STAB1: variants seen among roughly 807,000 people sequenced by gnomAD.
The protein encoded by STAB1 is stabilin 1.
In STAB1, 250 loss-of-function variants were observed where a neutral mutation model predicts 332.4. The observed-to-expected ratio is 0.75, with a 90% CI of 0.68 to 0.84. The LOEUF (loss-of-function observed/expected upper bound fraction) is 0.84. STAB1 is among the 40% of genes least tolerant of loss of function. STAB1 has a pLI of 0.00. For synonymous variants in STAB1, 1,475 were observed against 1,390.4 expected, an observed-to-expected ratio of 1.06 and a Z score of -1.35; for missense variants, 3,249 against 3,489.7, an observed-to-expected ratio of 0.93 and a Z score of 1.74.
At position 52,523,130 on chromosome 3, in the gene STAB1, A is replaced by G. The variant is rs1484029620; in HGVS notation, c.7016A>G (p.Tyr2339Cys). The change falls in exon 63 of 69, where the codon TAT becomes TGT. Residue 2339 changes from tyrosine (Y) to cysteine (C), a missense_variant. Physicochemically the swap from Tyr to Cys is radical, Grantham distance 194. Transcript: ENST00000321725. ...LAATANFSTF[Y>C]GMLLGYANAT... Reference sequence around the variant, plus strand: ...GCCACTGCCAACTTCTCCACCTTCTATGGGGTGTGTGGGGGCCACCCTTGG... The same window carrying G: ...GCCACTGCCAACTTCTCCACCTTCTGTGGGGTGTGTGGGGGCCACCCTTGG... 9 of 1,598,188 alleles carry G rather than the reference A, an allele frequency of 5.6e-6. No individual in the cohort carries two copies. The highest frequency in any genetic ancestry group is 1.7e-5 in the Admixed American group (1 of 59,350).
chr3:52,518,646 C>T (rs750866829), intron 47 of STAB1, 33 bp downstream of exon 47: 10 of 1,610,914 alleles, frequency 6.2e-6, no homozygotes, highest in African/African-American at 4.0e-5. Context: ...CTGGGCAGGG[C>T]TGGGTGCTCT....
chr3:52,512,275 T>C (rs1412746780), intron 26 of STAB1, 66 bp from the exon 27 acceptor site: 12 of 1,482,538 alleles, frequency 8.1e-6, no homozygotes, highest in South Asian at 3.4e-5. Flanking sequence ...GGCAGAAAGA[T>C]GGGGGAGGGA....
intron 39 of STAB1, 26 bp from the exon 40 acceptor site, chr3:52,516,516 A>G: frequency 6.2e-7 from 1 of 1,613,272 alleles, no homozygotes; most frequent in East Asian, 2.2e-5. Context: ...GGTCTGAATG[A>G]CCAGAGTCAT....
At position 52,520,191 on chromosome 3, in the gene STAB1, T is replaced by A. The variant is rs1443803227; in HGVS notation, c.5413-13T>A. The A allele has an allele frequency of 6.2e-7, 1 of 1,613,138 alleles. No individual in the cohort carries two copies. Among genetic ancestry groups the A allele is most frequent in the Admixed American group, 1.7e-5 (1 of 60,028 alleles). On this transcript the variant is annotated splice_polypyrimidine_tract_variant and intron_variant, in intron 51 of 68. Coordinates refer to ENST00000321725, the MANE Select transcript of STAB1 (RefSeq NM_015136.3). ...CTGCCTTTCCACCTCCAACCATGAC[T>A]CCACTTGCTCAGGCCTTGGCATCTG...
chr3:52,506,628 T>A, intron 17 of STAB1, 64 bp from the exon 18 acceptor site: 2 of 1,509,296 alleles, frequency 1.3e-6, no homozygotes, highest in South Asian at 1.3e-5. Context: ...GGGGTGGAGG[T>A]GGGCAGCCCC....
At chr3:52,495,520 C>T (rs144821578) in intron 1 of STAB1, 29 bp downstream of exon 1, 1,723 of 1,306,890 alleles carry the variant, frequency 1.3e-3, no homozygotes, top group South Asian at 3.2e-3. Context: ...CAGGGGCACA[C>T]GGCGTCTGGG....
In STAB1 at chr3:52,503,336, C is replaced by G; in HGVS notation, c.695-8C>G. On this transcript the variant is annotated splice_polypyrimidine_tract_variant and splice_region_variant and intron_variant, in intron 7 of 68. Transcript: ENST00000321725. ...TGGCTCACTTGGGCTCTCTCTCTGCCCTGGCAGCCCCCAACCCCTGCTGGC... is the reference window on the plus strand; with the variant it reads ...TGGCTCACTTGGGCTCTCTCTCTGCGCTGGCAGCCCCCAACCCCTGCTGGC... 1 of 1,603,860 alleles carries G rather than the reference C, an allele frequency of 6.2e-7. No homozygotes were observed. Among genetic ancestry groups the G allele is most frequent in the Non-Finnish European group, 8.5e-7 (1 of 1,174,138 alleles).
chr3:52,524,099 G>A lies in STAB1; in HGVS notation c.7543-1G>A. 6.2e-7 allele frequency: 1 copy of A among 1,613,484 alleles called. No individual in the cohort carries two copies. The highest frequency in any genetic ancestry group is 8.5e-7 in the Non-Finnish European group (1 of 1,180,022). On this transcript the variant is annotated splice_acceptor_variant, in intron 67 of 68. Transcript: ENST00000321725. LOFTEE classifies it high-confidence loss of function. Reference sequence around the variant, plus strand: ...GCCACTCACCCCTCTGCTGCTCCCAGGCGGAAGATGATGCTGATGACGACT... The same window carrying A: ...GCCACTCACCCCTCTGCTGCTCCCAAGCGGAAGATGATGCTGATGACGACT...
In STAB1 at chr3:52,512,619, C is replaced by T; in HGVS notation, c.3003C>T (p.Phe1001=). 1.2e-6 allele frequency: 2 copies of T among 1,613,864 alleles called. No homozygotes were observed. The highest frequency in any genetic ancestry group is 1.7e-6 in the Non-Finnish European group (2 of 1,180,026). The change falls in exon 28 of 69, where the codon TTC becomes TTT. Residue 1001 remains phenylalanine (F), a synonymous_variant. Coordinates refer to ENST00000321725, the MANE Select transcript of STAB1 (RefSeq NM_015136.3). ...IFRELEANAH[F]SIFYQWLKSA... Reference sequence around the variant, plus strand: ...AGGAGCTGGAGGCAAATGCCCACTTCTCCATCTTCTACCAATGGCTTAAGG... The same window carrying T: ...AGGAGCTGGAGGCAAATGCCCACTTTTCCATCTTCTACCAATGGCTTAAGG...
chr3:52,510,193 C>A lies in STAB1; in HGVS notation c.2586C>A (p.Ser862Arg). The A allele has an allele frequency of 6.2e-7, 1 of 1,614,020 alleles. No individual in the cohort carries two copies. The highest frequency in any genetic ancestry group is 1.3e-5 in the African/African-American group (1 of 75,066). Residue 862 changes from serine to arginine, a missense_variant, in exon 24 of 69, where the codon AGC becomes AGA. By Grantham distance (110) the Ser-to-Arg change is moderately radical (BLOSUM62 -1). Transcript: ENST00000321725. ...FEGDGFSCTP[S>R]NPCSHPDRGG... ...GTGATGGCTTCTCCTGCACACCTAGCAACCCCTGCTCCCACCCGGACCGTG... is the reference window on the plus strand; with the variant it reads ...GTGATGGCTTCTCCTGCACACCTAGAAACCCCTGCTCCCACCCGGACCGTG...
Position 52,506,775 on chromosome 3 carries a change from C to G in STAB1, c.1914C>G (p.Asp638Glu). 1 of 1,612,834 alleles carries G rather than the reference C, an allele frequency of 6.2e-7. No individual in the cohort carries two copies. The highest frequency in any genetic ancestry group is 8.5e-7 in the Non-Finnish European group (1 of 1,179,632). The change falls in exon 18 of 69, where the codon GAC becomes GAG. Residue 638 changes from aspartate (D) to glutamate (E), a missense_variant. By Grantham distance (45) the Asp-to-Glu change is conservative. Transcript: ENST00000321725. ...MAANGVIHML[D>E]GILLPPTILP... ...CCAATGGTGTGATCCACATGCTGGA[C>G]GGCATCCTGCTGCCCCCGACCATCC...
In STAB1 at chr3:52,514,491, G is replaced by C; in HGVS notation, c.3673G>C (p.Gly1225Arg). ...CTGGATCGTCTTCTACAACCACAGT[G>C]GCCAGGTTTGGGGGTCAGGGAGCAA... ...AHWIVFYNHS[G>R]QPEVNHVPLE... Residue 1225 changes from glycine to arginine, a missense_variant, in exon 34 of 69, where the codon GGC becomes CGC. Gly to Arg is a moderately radical substitution (Grantham distance 125, BLOSUM62 -2). Transcript: ENST00000321725. The C allele has an allele frequency of 6.6e-7, 1 of 1,524,982 alleles. No individual in the cohort carries two copies. The highest frequency in any genetic ancestry group is 8.8e-7 in the Non-Finnish European group (1 of 1,136,912). The allele number at this position is 1,524,982 out of a possible 1,614,324, so 94.5% of individuals were successfully genotyped here.
rs554722091 is a variant in STAB1, at chr3:52,505,759, G to T, written c.1673G>T (p.Arg558Leu). ...GCTGTGGACAGCTTGCGTGACGGCC[G>T]CCTGATCTACCTCTTCACAGCGGTA... ...NEAVDSLRDG[R>L]LIYLFTAGLS... Residue 558 changes from arginine (R) to leucine (L), a missense_variant, in exon 15 of 69, where the codon CGC (arginine) becomes CTC (leucine). Transcript: ENST00000321725. The T allele has an allele frequency of 6.2e-7, 1 of 1,613,752 alleles. No individual in the cohort carries two copies.
Position 52,516,717 on chromosome 3 carries a change from T to C in STAB1, c.4312T>C (p.Ser1438Pro). ...ANCVQDSAGA[S>P]TCACAAGYSG... ...CTGCGTGCAGGACTCGGCCGGAGCC[T>C]CCACCTGCGCCTGTGCTGCGGGATA... is the stretch of plus-strand genomic sequence containing the variant. Residue 1438 changes from serine to proline, a missense_variant, in exon 41 of 69, where the codon TCC becomes CCC. By Grantham distance (74) the Ser-to-Pro change is moderately conservative. Coordinates refer to ENST00000321725, the MANE Select transcript of STAB1 (RefSeq NM_015136.3). 4.3e-6 allele frequency: 7 copies of C among 1,612,022 alleles called. No individual in the cohort carries two copies. Among genetic ancestry groups the C allele is most frequent in the Non-Finnish European group, 5.9e-6 (7 of 1,179,836 alleles).
intron 34 of STAB1, 90 bp from the exon 35 acceptor site, chr3:52,514,610 AG>A: frequency 6.3e-7 from 1 of 1,584,950 alleles, no homozygotes; most frequent in Non-Finnish European, 8.6e-7. Context: ...TGCTCCAGGG[AG>A]CCCCCCGGCC....
chr3:52,523,611 G>T, intron 65 of STAB1, 35 bp downstream of exon 65: 1 of 1,612,732 alleles, frequency 6.2e-7, no homozygotes. Flanking sequence ...TGTTGGCCCT[G>T]GCCCTCGCTC....
At position 52,510,150 on chromosome 3, in the gene STAB1, G is replaced by A. The variant is rs1292006060; in HGVS notation, c.2543G>A (p.Cys848Tyr). ...VSQEGVARCR[C>Y]LDGFEGDGFS... The stretch of plus-strand genomic sequence containing the variant: ...CCTTCACCCACCCCCAGATGTCGCT[G>A]TCTTGATGGCTTTGAGGGTGATGGC... Residue 848 changes from cysteine to tyrosine, a missense_variant, in exon 24 of 69, where the codon TGT becomes TAT. By Grantham distance (194) the Cys-to-Tyr change is radical. Transcript: ENST00000321725. The A allele has an allele frequency of 6.2e-7, 1 of 1,614,010 alleles. No homozygotes were observed. The highest frequency in any genetic ancestry group is 1.1e-5 in the South Asian group (1 of 91,088).
intron 5 of STAB1, 101 bp downstream of exon 5, chr3:52,502,329 T>G: frequency 7.7e-7 from 1 of 1,302,796 alleles, no homozygotes; most frequent in South Asian, 1.3e-5. Context: ...TCAGCCTCTG[T>G]CCCAGCCCCT....
At chr3:52,509,418 G>T (rs529078936) in intron 22 of STAB1, 97 bp downstream of exon 22, 1 of 1,095,078 alleles carries the variant, frequency 9.1e-7, no homozygotes, top group Non-Finnish European at 1.3e-6. Flanking sequence ...AGCCCCAGGA[G>T]GAGGGACGAA....
Sources: allele counts gnomAD v4.1 joint callset, GRCh38; gene constraint gnomAD v4.1.1; transcripts MANE v1.5; gene names NCBI Gene and HGNC (gene_info 2026-07-23, HGNC 2026-07-21).